Variants in ITGA1 observed in about 807,000 individuals in gnomAD.
ITGA1 encodes integrin alpha-1.
A neutral mutation model predicts 145.9 loss-of-function variants in ITGA1; 85 were observed. The ratio of observed to expected loss-of-function variants is 0.58; its 90% CI spans 0.49 to 0.70. The LOEUF is 0.70. Among genes scored for constraint, ITGA1 ranks in the 30% least tolerant of loss-of-function variants. The pLI is 0.00. For missense variants in ITGA1, 1,351 were observed against 1,418.7 expected (o/e 0.95, Z 0.77); for synonymous variants, 520 against 495.3 (o/e 1.05, Z -0.66).
intron 1 of ITGA1, 52 bp downstream of exon 1, chr5:52,788,466 G>T: frequency 7.2e-7 from 1 of 1,386,086 alleles, no homozygotes. Context: ...CTTGGGGCTT[G>T]GAGCGGGGAG....
chr5:52,928,848 G>A (rs1312662276), intron 20 of ITGA1, among the ~76,000 whole-genome samples: 1 of 152,184 alleles, frequency 6.6e-6, no homozygotes, highest in East Asian at 1.9e-4. Flanking sequence ...TTGTAAAAGT[G>A]AAAGCAGAGG....
chr5:52,938,057 CAAGTA>C (rs1334702999), intron 24 of ITGA1, among the ~76,000 whole-genome samples: 1 of 152,138 alleles, frequency 6.6e-6, no homozygotes, highest in Non-Finnish European at 1.5e-5. Flanking sequence ...ACCCTATTTC[CAAGTA>C]AAGTCATATT....
chr5:52,798,607 G>A (rs979589815), intron 1 of ITGA1, among the ~76,000 whole-genome samples: 18 of 152,258 alleles, frequency 1.2e-4, no homozygotes, highest in African/African-American at 4.3e-4. Context: ...CAGTTTTCAT[G>A]TGAGAGGGTA....
chr5:52,830,491 T>A (rs79892933), intron 1 of ITGA1, among the ~76,000 whole-genome samples: 215 of 152,252 alleles, frequency 1.4e-3, no homozygotes, highest in African/African-American at 4.7e-3. Context: ...ACAGGTTTTT[T>A]AAAAAAAATA....
At chr5:52,937,598 G>T (rs1750990006) in intron 24 of ITGA1, 84 bp downstream of exon 24, 4 of 819,086 alleles carry the variant, frequency 4.9e-6, no homozygotes, top group Non-Finnish European at 8.2e-6. Flanking sequence ...CATGATACTT[G>T]TAATAAAGAA....
In ITGA1 at chr5:52,947,400, T is replaced by A. The variant is rs567084198; in HGVS notation, c.3434T>A (p.Ile1145Asn). Residue 1145 changes from isoleucine (I) to asparagine (N), a missense_variant, in exon 28 of 29, where the codon ATC (isoleucine) becomes AAC (asparagine). Coordinates refer to ENST00000282588, the MANE Select transcript of ITGA1 (RefSeq NM_181501.2). ...GLPGRVPLWV[I>N]LLSAFAGLLL... The stretch of plus-strand genomic sequence containing the variant: ...CCGGGCAGAGTGCCATTATGGGTCA[T>A]CCTGCTGAGTGCTTTTGCCGGATTG... The A allele has an allele frequency of 5.9e-5, 96 of 1,613,750 alleles. No homozygotes were observed. In the Admixed American group the frequency reaches 1.5e-3, roughly 25 times the overall value.
chr5:52,941,387 C>T (rs1005752737), intron 26 of ITGA1, among the ~76,000 whole-genome samples: 4 of 152,320 alleles, frequency 2.6e-5, no homozygotes, highest in African/African-American at 9.6e-5. Flanking sequence ...TACATCCCCA[C>T]CAACAGTGTA....
At position 52,912,564 on chromosome 5, in the gene ITGA1, G is replaced by T. The variant is rs371640248; in HGVS notation, c.1857+2145G>T. On this transcript the variant is annotated intron_variant, in intron 14 of 28. Coordinates refer to ENST00000282588, the MANE Select transcript of ITGA1 (RefSeq NM_181501.2). ...TATTATATATAGTGTATCCACTATA[G>T]GTATTATATATAGTGTATCCACTAT... Among the ~76,000 whole-genome samples, 14 of 69,924 alleles carry T rather than the reference G, an allele frequency of 2.0e-4. 1 individual carries two copies. Among genetic ancestry groups the T allele is most frequent in the Non-Finnish European group, 2.6e-4 (8 of 30,902 alleles). The allele number at this position is 69,924 out of a possible 152,430, so 45.9% of individuals were successfully genotyped here. A position where few individuals can be genotyped will look rare whatever the true frequency, so the allele number is the denominator to read the frequency against.
At chr5:52,813,582 G>T (rs750511288) in intron 1 of ITGA1, among the ~76,000 whole-genome samples, 3 of 152,220 alleles carry the variant, frequency 2.0e-5, no homozygotes, top group African/African-American at 4.8e-5. Context: ...AGGCAATGCA[G>T]CTGATGGAAT....
chr5:52,842,439 C>T (rs1749268662), intron 1 of ITGA1, among the ~76,000 whole-genome samples: 2 of 152,146 alleles, frequency 1.3e-5, no homozygotes, highest in African/African-American at 4.8e-5. Flanking sequence ...TTTCAAGATA[C>T]AGTCATCAAA....
At chr5:52,824,145 T>C (rs1748921848) in intron 1 of ITGA1, among the ~76,000 whole-genome samples, 1 of 152,104 alleles carries the variant, frequency 6.6e-6, no homozygotes, top group African/African-American at 2.4e-5. Flanking sequence ...CAAATAATTA[T>C]AAGTCACTTA....
chr5:52,921,379 C>T (rs1198223616), intron 17 of ITGA1, among the ~76,000 whole-genome samples: 2 of 152,044 alleles, frequency 1.3e-5, no homozygotes, highest in African/African-American at 4.8e-5. Context: ...AGAAAATGTG[C>T]ACCCTTTTGT....
rs1422784085 is a variant in ITGA1, at chr5:52,956,510, C to CA, written c.*4061dup. The CA allele has an allele frequency of 6.6e-6, 1 of 152,160 alleles. No individual in the cohort carries two copies. Among genetic ancestry groups the CA allele is most frequent in the Non-Finnish European group, 1.5e-5 (1 of 68,044 alleles). 9.4% of individuals were successfully genotyped at this position (152,160 alleles called of 1,614,324 possible). ...GCTCTGAGTACCAGCTTCAGTGACT[C>CA]AATCATTTATACAGGATTTCAGTGT... On this transcript the variant is annotated 3_prime_UTR_variant, in exon 29 of 29. Transcript: ENST00000282588.
At chr5:52,904,052 G>C (rs1434899612) in intron 11 of ITGA1, 1 of 152,576 alleles carries the variant, frequency 6.6e-6, no homozygotes, top group Non-Finnish European at 1.5e-5. Flanking sequence ...CCAAGTATCT[G>C]AAAGATGTGA....
At chr5:52,812,157 G>A (rs1439050874) in intron 1 of ITGA1, among the ~76,000 whole-genome samples, 1 of 152,172 alleles carries the variant, frequency 6.6e-6, no homozygotes, top group Non-Finnish European at 1.5e-5. Context: ...ATAAAGTTGA[G>A]GGGAATGTAT....
At chr5:52,918,994 T>C (rs1314619222) in intron 16 of ITGA1, 96 bp downstream of exon 16, 5 of 1,067,246 alleles carry the variant, frequency 4.7e-6, no homozygotes, top group Non-Finnish European at 6.6e-6. Flanking sequence ...TTTCCCCACA[T>C]GGTGAGCTGC....
intron 1 of ITGA1, among the ~76,000 whole-genome samples, chr5:52,811,511 G>A (rs769147049): frequency 1.3e-5 from 2 of 152,132 alleles, no homozygotes; most frequent in Admixed American, 1.3e-4. Context: ...GGGTTTGGCT[G>A]ACTACTAAGG....
chr5:52,898,025 T>A (rs1422714602), intron 10 of ITGA1, among the ~76,000 whole-genome samples: 1 of 152,184 alleles, frequency 6.6e-6, no homozygotes, highest in Non-Finnish European at 1.5e-5. Flanking sequence ...TTTTACTGTA[T>A]AACTTGGGTA....
chr5:52,885,526 G>T (rs1469149244), intron 7 of ITGA1, among the ~76,000 whole-genome samples: 1 of 152,152 alleles, frequency 6.6e-6, no homozygotes, highest in Non-Finnish European at 1.5e-5. Flanking sequence ...TAGGAGTTCT[G>T]CACCAGAAAC....
Sources: allele counts gnomAD v4.1 joint callset (sites outside exome capture counted in the v4.1 genomes callset), GRCh38; gene constraint gnomAD v4.1.1; transcripts MANE v1.5; gene names NCBI Gene and HGNC (gene_info 2026-07-23, HGNC 2026-07-21).